SEC24A: variants seen among roughly 807,000 people sequenced by gnomAD.
SEC24A encodes SEC24 homolog A, COPII component, also known as protein transport protein Sec24A.
A neutral mutation model predicts 129.4 loss-of-function variants in SEC24A; 93 were observed. The ratio of observed to expected loss-of-function variants is 0.72; its 90% confidence interval spans 0.61 to 0.85. SEC24A has a LOEUF of 0.85. SEC24A is among the 40% of genes least tolerant of loss of function. SEC24A has a pLI of 0.00. For synonymous variants in SEC24A, 460 were observed against 467.3 expected, an observed-to-expected ratio of 0.98 and a Z score of 0.20; for missense variants, 1,264 against 1,307.4, an observed-to-expected ratio of 0.97 and a Z score of 0.51.
intron 5 of SEC24A, 52 bp from the exon 6 acceptor site, chr5:134,674,993 C>G: frequency 7.1e-7 from 1 of 1,415,288 alleles, no homozygotes; most frequent in East Asian, 2.3e-5. Context: ...AAATTAACCA[C>G]TTCCCTACAC....
At chr5:134,697,299 C>A in intron 14 of SEC24A, 53 bp downstream of exon 14, 11 of 1,452,826 alleles carry the variant, frequency 7.6e-6, no homozygotes, top group Non-Finnish European at 1.0e-5. Flanking sequence ...TCAAAATGGT[C>A]CTTATATGAT....
intron 2 of SEC24A, among the ~76,000 whole-genome samples, chr5:134,666,160 C>T (rs1363492253): frequency 1.3e-5 from 2 of 152,082 alleles, no homozygotes; most frequent in South Asian, 2.1e-4. Context: ...TAAAAACAAA[C>T]AGGGCAATGT....
At chr5:134,663,987 T>C (rs1445637055) in intron 2 of SEC24A, among the ~76,000 whole-genome samples, 1 of 152,070 alleles carries the variant, frequency 6.6e-6, no homozygotes, top group Non-Finnish European at 1.5e-5. Flanking sequence ...GGCACGTGCC[T>C]GTAATCCCAG....
At chr5:134,653,675 G>A (rs1411080044) in intron 1 of SEC24A, among the ~76,000 whole-genome samples, 1 of 151,906 alleles carries the variant, frequency 6.6e-6, no homozygotes, top group Middle Eastern at 3.2e-3. Context: ...GACCACCCTC[G>A]GCAACATAGT....
chr5:134,670,108 G>A (rs1043875619), intron 3 of SEC24A, among the ~76,000 whole-genome samples: 1 of 152,078 alleles, frequency 6.6e-6, no homozygotes, highest in Non-Finnish European at 1.5e-5. Flanking sequence ...TGTATTTTCA[G>A]TAGATACAGG....
chr5:134,694,081 G>A, intron 13 of SEC24A, 148 bp downstream of exon 13: 1 of 671,954 alleles, frequency 1.5e-6, no homozygotes, highest in Non-Finnish European at 2.5e-6. Flanking sequence ...TTTTTATTTT[G>A]TTACATTTTT....
intron 15 of SEC24A, 24 bp from the exon 16 acceptor site, chr5:134,703,734 AT>A: frequency 1.3e-6 from 2 of 1,532,064 alleles, no homozygotes. Flanking sequence ...TATAAAAATA[AT>A]TTTGTTACCT....
chr5:134,659,159 C>T (rs533707290), intron 1 of SEC24A, among the ~76,000 whole-genome samples: 7 of 151,636 alleles, frequency 4.6e-5, no homozygotes, highest in African/African-American at 1.7e-4. Context: ...GCAAGCTCTG[C>T]CTCCTGGGTT....
In SEC24A at chr5:134,679,585, T is replaced by C. The variant is rs1289378444; in HGVS notation, c.1255-17T>C. On this transcript the variant is annotated splice_polypyrimidine_tract_variant and intron_variant, in intron 7 of 22. Coordinates refer to ENST00000398844, the MANE Select transcript of SEC24A (RefSeq NM_021982.3). Reference sequence around the variant, plus strand: ...ATTTTTGCCTTTAAAAATTTAATTCTGTTTTTTTTTTTCCAGCAATTGCCT... The same window carrying C: ...ATTTTTGCCTTTAAAAATTTAATTCCGTTTTTTTTTTTCCAGCAATTGCCT... The C allele has an allele frequency of 6.5e-7, 1 of 1,527,836 alleles. No homozygotes were observed. Among genetic ancestry groups the C allele is most frequent in the Non-Finnish European group, 8.9e-7 (1 of 1,122,436 alleles). 94.6% of individuals were successfully genotyped at this position (1,527,836 alleles called of 1,614,324 possible).
intron 3 of SEC24A, among the ~76,000 whole-genome samples, chr5:134,668,251 G>A (rs1401370638): frequency 6.6e-6 from 1 of 152,124 alleles, no homozygotes. Flanking sequence ...TTTTCTTCTA[G>A]CATTACATTA....
At chr5:134,706,664 T>A (rs1428976554) in intron 17 of SEC24A, among the ~76,000 whole-genome samples, 6 of 152,002 alleles carry the variant, frequency 3.9e-5, no homozygotes, top group Non-Finnish European at 8.8e-5. Flanking sequence ...CACACCCAGC[T>A]AACTAACATT....
rs539450127 is a variant in SEC24A, at chr5:134,688,244, C to T, written c.1668C>T (p.Tyr556=). The T allele has an allele frequency of 2.5e-5, 41 of 1,612,906 alleles. No homozygotes were observed. Among genetic ancestry groups the T allele is most frequent in the South Asian group, 6.6e-5 (6 of 91,042 alleles). ...CATTTGACAGTACAATCCATTTCTA[C>T]GGTCTTCAGGAAAGTCTCTCTCAAC... The part of the protein sequence containing the change: ...FITFDSTIHF[Y]GLQESLSQPQ... Residue 556 remains tyrosine, a synonymous_variant, in exon 11 of 23, where the codon TAC becomes TAT. Coordinates refer to ENST00000398844, the MANE Select transcript of SEC24A (RefSeq NM_021982.3).
At chr5:134,701,063 T>G (rs941094670) in intron 15 of SEC24A, 1 of 150,898 alleles carries the variant, frequency 6.6e-6, no homozygotes, top group Non-Finnish European at 1.5e-5. Context: ...GCCAGGCTGG[T>G]CTCGAACTCC....
At chr5:134,693,609 C>CT in intron 12 of SEC24A, 118 bp from the exon 13 acceptor site, 1 of 1,454,348 alleles carries the variant, frequency 6.9e-7, no homozygotes, top group Non-Finnish European at 9.0e-7. Flanking sequence ...TGTTTAGTGT[C>CT]TGTAGATTCT....
Position 134,720,047 on chromosome 5 carries a change from A to G in SEC24A, c.2971-951A>G, listed in dbSNP as rs1368834528. The stretch of plus-strand genomic sequence containing the variant: ...TAAACTACGATTAATTATTGAAGAA[A>G]GAAATTTTTTTATATATCTCTAGTG... On this transcript the variant is annotated intron_variant, in intron 20 of 22. Transcript: ENST00000398844. Among the ~76,000 whole-genome samples, 4 of 152,248 alleles carry G rather than the reference A, an allele frequency of 2.6e-5. No individual in the cohort carries two copies. The East Asian group carries it at 7.7e-4, about 29-fold the overall frequency.
At chr5:134,670,590 G>A (rs1750821393) in intron 3 of SEC24A, among the ~76,000 whole-genome samples, 1 of 152,192 alleles carries the variant, frequency 6.6e-6, no homozygotes, top group Non-Finnish European at 1.5e-5. Flanking sequence ...GAGATGTTAA[G>A]ATTTTAATTC....
At chr5:134,681,070 G>A (rs533239270) in intron 8 of SEC24A, among the ~76,000 whole-genome samples, 24 of 149,608 alleles carry the variant, frequency 1.6e-4, no homozygotes, top group South Asian at 2.1e-4. Flanking sequence ...TTGCACTCCA[G>A]CCTGGGCGAC....
At chr5:134,668,382 A>T (rs1750739610) in intron 3 of SEC24A, among the ~76,000 whole-genome samples, 1 of 152,132 alleles carries the variant, frequency 6.6e-6, no homozygotes, top group South Asian at 2.1e-4. Context: ...TTAGGTCAGG[A>T]GTTTGAGACC....
At chr5:134,703,715 A>G in intron 15 of SEC24A, 44 bp from the exon 16 acceptor site, 1 of 1,247,320 alleles carries the variant, frequency 8.0e-7, no homozygotes, top group Non-Finnish European at 1.2e-6. Context: ...AAATATCAGT[A>G]TGTAGGTATA....
Sources: allele counts gnomAD v4.1 joint callset (sites outside exome capture counted in the v4.1 genomes callset), GRCh38; gene constraint gnomAD v4.1.1; transcripts MANE v1.5; gene names NCBI Gene and HGNC (gene_info 2026-07-23, HGNC 2026-07-21).